ADAMTSL3: variants seen among roughly 807,000 people sequenced by gnomAD.
ADAMTSL3 encodes the protein ADAMTS like 3, also known as ADAMTS-like protein 3.
ADAMTSL3 carries 128 observed loss-of-function variants against 201.7 expected under a neutral mutation model. The observed-to-expected ratio is 0.63, with a 90% CI of 0.55 to 0.73. The LOEUF (loss-of-function observed/expected upper bound fraction) is 0.73, where lower values mean the gene tolerates loss of function less well. ADAMTSL3 is among the 30% of genes least tolerant of loss of function. The pLI is 0.00. For synonymous variants in ADAMTSL3, 738 were observed against 748.4 expected, an observed-to-expected ratio of 0.99 and a Z score of 0.23; for missense variants, 1,990 against 2,119.6, an observed-to-expected ratio of 0.94 and a Z score of 1.20.
chr15:83,937,187 C>G (rs1436184714), intron 17 of ADAMTSL3, among the ~76,000 whole-genome samples: 2 of 150,914 alleles, frequency 1.3e-5, no homozygotes, highest in Non-Finnish European at 2.9e-5. Flanking sequence ...ATAAATCATT[C>G]TACCATAAAG....
chr15:83,674,092 G>A (rs1330236111), intron 2 of ADAMTSL3, among the ~76,000 whole-genome samples: 2 of 145,824 alleles, frequency 1.4e-5, no homozygotes, highest in Non-Finnish European at 3.0e-5. Flanking sequence ...AAATTTTGGT[G>A]AAGTTCTATT....
At chr15:83,913,480 A>G (rs1329647347) in intron 16 of ADAMTSL3, 102 bp downstream of exon 16, 3 of 1,191,578 alleles carry the variant, frequency 2.5e-6, no homozygotes, top group South Asian at 1.5e-5. Context: ...GCAAAAGTCT[A>G]AAGGAGGTGA....
intron 24 of ADAMTSL3, 42 bp from the exon 25 acceptor site, chr15:84,016,341 T>G: frequency 6.7e-7 from 1 of 1,500,090 alleles, no homozygotes; most frequent in South Asian, 1.1e-5. Context: ...AATAATTAGA[T>G]AATGTCTAAC....
intron 9 of ADAMTSL3, among the ~76,000 whole-genome samples, chr15:83,879,619 T>C (rs1026145922): frequency 3.9e-5 from 6 of 152,234 alleles, no homozygotes; most frequent in Non-Finnish European, 7.3e-5. Context: ...CTCCATATTA[T>C]TTCAATATTT....
chr15:83,896,409 A>G (rs943369852), intron 13 of ADAMTSL3, among the ~76,000 whole-genome samples: 6 of 152,230 alleles, frequency 3.9e-5, no homozygotes, highest in Admixed American at 3.9e-4. Flanking sequence ...TTAGAATCAG[A>G]AAGGAAATTA....
Position 83,897,957 on chromosome 15 carries a change from C to T in ADAMTSL3, c.1567C>T (p.His523Tyr). The change falls in exon 14 of 30, where the codon CAC becomes TAC. Residue 523 changes from histidine (H) to tyrosine (Y), a missense_variant. By Grantham distance (83) the His-to-Tyr change is moderately conservative (BLOSUM62 2). Transcript: ENST00000286744. ...GGGCTGCAATCCACAACTGAAGTTA[C>T]ACATCAAAGAAGAATGTGTCATTCC... ...VGGCNPQLKLHIKEECVIPIP... is the reference protein window; with the variant it reads ...VGGCNPQLKLYIKEECVIPIP... 1 of 1,613,822 alleles carries T rather than the reference C, an allele frequency of 6.2e-7. No individual in the cohort carries two copies.
At chr15:83,801,651 A>ATATAT (rs2063518564) in intron 4 of ADAMTSL3, among the ~76,000 whole-genome samples, 55 of 31,226 alleles carry the variant, frequency 1.8e-3, no homozygotes, top group Non-Finnish European at 3.3e-3. Context: ...TATAAATATA[A>ATATAT]ATATATATAT....
intron 2 of ADAMTSL3, among the ~76,000 whole-genome samples, chr15:83,687,644 G>A (rs556943050): frequency 2.0e-4 from 30 of 152,096 alleles, no homozygotes; most frequent in African/African-American, 7.0e-4. Flanking sequence ...CCCCCTCCCC[G>A]TTAACATACT....
At chr15:83,789,865 G>A (rs757287523) in intron 4 of ADAMTSL3, among the ~76,000 whole-genome samples, 1 of 151,980 alleles carries the variant, frequency 6.6e-6, no homozygotes, top group Non-Finnish European at 1.5e-5. Context: ...CTTTCAATCA[G>A]TCATACTGTT....
At chr15:83,773,358 A>G (rs1435963845) in intron 3 of ADAMTSL3, among the ~76,000 whole-genome samples, 165 bp from the exon 4 acceptor site, 1 of 151,894 alleles carries the variant, frequency 6.6e-6, no homozygotes, top group Non-Finnish European at 1.5e-5. Flanking sequence ...CAGCGAGCCG[A>G]GATTGTGCCA....
At chr15:83,662,244 T>TA (rs1309583671) in intron 2 of ADAMTSL3, among the ~76,000 whole-genome samples, 2 of 142,912 alleles carry the variant, frequency 1.4e-5, no homozygotes, top group Non-Finnish European at 3.1e-5. Context: ...TATGCAGCCA[T>TA]AAAAAATGAT....
intron 3 of ADAMTSL3, among the ~76,000 whole-genome samples, chr15:83,773,218 C>T (rs2063013475): frequency 6.6e-6 from 1 of 151,934 alleles, no homozygotes; most frequent in Non-Finnish European, 1.5e-5. Flanking sequence ...TCAAGACCAA[C>T]CTGGCCAACA....
intron 3 of ADAMTSL3, among the ~76,000 whole-genome samples, chr15:83,729,828 T>G (rs1369542898): frequency 6.6e-6 from 1 of 152,074 alleles, no homozygotes; most frequent in African/African-American, 2.4e-5. Context: ...TGTTTGTCAG[T>G]ATCTGGGCAT....
intron 21 of ADAMTSL3, among the ~76,000 whole-genome samples, chr15:83,983,754 A>AT (rs1323054079): frequency 6.6e-6 from 1 of 152,190 alleles, no homozygotes; most frequent in African/African-American, 2.4e-5. Flanking sequence ...GTGGTATCTT[A>AT]TTTGAGCTCA....
chr15:83,727,392 G>A (rs1200234642), intron 3 of ADAMTSL3, among the ~76,000 whole-genome samples: 1 of 150,966 alleles, frequency 6.6e-6, no homozygotes, highest in East Asian at 1.9e-4. Context: ...ATTTATTTGT[G>A]CTCTGATGTT....
intron 7 of ADAMTSL3, among the ~76,000 whole-genome samples, chr15:83,856,867 A>G (rs775219039): frequency 6.6e-5 from 10 of 152,114 alleles, no homozygotes; most frequent in Non-Finnish European, 1.3e-4. Context: ...TCTATGTTTA[A>G]TATCTTGAGG....
intron 19 of ADAMTSL3, among the ~76,000 whole-genome samples, chr15:83,952,694 T>C (rs2142066815): frequency 6.6e-6 from 1 of 151,978 alleles, no homozygotes; most frequent in South Asian, 2.1e-4. Flanking sequence ...TAATCCCAGC[T>C]ACTTGGGAGG....
rs148565450 is a variant in ADAMTSL3, at chr15:83,984,448, G to A, written c.3716+1104G>A. Among the ~76,000 whole-genome samples the A allele has an allele frequency of 2.2e-4, 34 of 152,226 alleles. 1 individual carries two copies. The highest frequency in any genetic ancestry group is 7.2e-4 in the African/African-American group (30 of 41,546). ...AAAATCTAATTTTTGAATTTTTAATGCTAGAACTATGAACACAAGAGTACA... is the reference window on the plus strand; with the variant it reads ...AAAATCTAATTTTTGAATTTTTAATACTAGAACTATGAACACAAGAGTACA... On this transcript the variant is annotated intron_variant, in intron 21 of 29. Transcript: ENST00000286744.
Position 83,897,062 on chromosome 15 carries a change from G to A in ADAMTSL3, c.1468-796G>A, listed in dbSNP as rs142420903. The stretch of plus-strand genomic sequence containing the variant: ...CTACCAGGTCCCTCCCATGACAAGT[G>A]GGGATTATGGGGATTACAATTCAAG... On this transcript the variant is annotated intron_variant, in intron 13 of 29. Transcript: ENST00000286744. Among the ~76,000 whole-genome samples, 78 of 152,250 alleles carry A rather than the reference G, an allele frequency of 5.1e-4. No homozygotes were observed. In the East Asian group the frequency reaches 0.015, roughly 29 times the overall value.
Sources: allele counts gnomAD v4.1 joint callset (sites outside exome capture counted in the v4.1 genomes callset), GRCh38; gene constraint gnomAD v4.1.1; transcripts MANE v1.5; gene names NCBI Gene and HGNC (gene_info 2026-07-23, HGNC 2026-07-21).